The following MROH9 variants were observed in gnomAD, a reference collection of about 807,000 sequenced individuals.
The protein encoded by MROH9 is maestro heat-like repeat-containing protein family member 9.
A neutral mutation model predicts 98.2 loss-of-function variants in MROH9; 92 were observed. That is an observed-to-expected ratio of 0.94 (90% CI 0.79 to 1.11). The LOEUF (loss-of-function observed/expected upper bound fraction) is 1.11. Among genes scored for constraint, MROH9 ranks in the 50% most tolerant of loss-of-function variants. MROH9 has a pLI of 0.00. For missense variants in MROH9, 1,057 were observed against 1,014.8 expected (o/e 1.04, Z -0.57); for synonymous variants, 397 against 368.9 (o/e 1.08, Z -0.87).
chr1:171,063,503 C>T (rs1362632222), intron 21 of MROH9, among the ~76,000 whole-genome samples: 3 of 152,160 alleles, frequency 2.0e-5, no homozygotes, highest in South Asian at 2.1e-4. Context: ...CCACCTGCCT[C>T]GGTCTCCCGA....
At chr1:170,962,810 C>A (rs555301483) in intron 6 of MROH9, among the ~76,000 whole-genome samples, 1 of 151,892 alleles carries the variant, frequency 6.6e-6, no homozygotes, top group East Asian at 1.9e-4. Context: ...TTCCTTACAC[C>A]ATATACAAAA....
chr1:171,032,808 G>C (rs1652968334), intron 20 of MROH9, among the ~76,000 whole-genome samples: 1 of 152,182 alleles, frequency 6.6e-6, no homozygotes, highest in African/African-American at 2.4e-5. Context: ...TTCGCAGAGG[G>C]GGTGTGCCAC....
intron 8 of MROH9, among the ~76,000 whole-genome samples, chr1:170,972,811 C>CA (rs141109310): frequency 5.3e-5 from 6 of 112,940 alleles, no homozygotes; most frequent in African/African-American, 2.1e-4. Flanking sequence ...GACTCCGCCT[C>CA]AAAAAAAAAA....
intron 15 of MROH9, among the ~76,000 whole-genome samples, chr1:171,006,471 T>G (rs1224307406): frequency 6.6e-6 from 1 of 152,060 alleles, no homozygotes; most frequent in Non-Finnish European, 1.5e-5. Context: ...TTCTCTCTGC[T>G]CCTTCCTCCC....
At chr1:170,967,212 T>A (rs1204384954) in intron 7 of MROH9, among the ~76,000 whole-genome samples, 1 of 152,154 alleles carries the variant, frequency 6.6e-6, no homozygotes, top group Non-Finnish European at 1.5e-5. Context: ...CGGAATAACC[T>A]ATTACTCGGT....
In MROH9 at chr1:171,016,347, C is replaced by T; in HGVS notation, c.1908+11C>T. On this transcript the variant is annotated intron_variant, in intron 17 of 21. Coordinates refer to ENST00000367759, the MANE Select transcript of MROH9 (RefSeq NM_001163629.2). ...ACTCTGATGGATCATGTGAGTTACA[C>T]AGTTAGATATGTGAGATCATTAGGT... 3.4e-6 allele frequency: 5 copies of T among 1,466,066 alleles called. No individual in the cohort carries two copies. The highest frequency in any genetic ancestry group is 4.5e-6 in the Non-Finnish European group (5 of 1,105,900). 90.8% of individuals were successfully genotyped at this position (1,466,066 alleles called of 1,614,324 possible). A position where few individuals can be genotyped will look rare whatever the true frequency, so the allele number is the denominator to read the frequency against.
chr1:171,029,835 C>G (rs1221106207), intron 20 of MROH9, among the ~76,000 whole-genome samples: 1 of 152,120 alleles, frequency 6.6e-6, no homozygotes, highest in African/African-American at 2.4e-5. Flanking sequence ...GGAGTCCCTC[C>G]TTTTCAATTG....
intron 7 of MROH9, among the ~76,000 whole-genome samples, chr1:170,968,936 A>C (rs1160371706): frequency 6.6e-6 from 1 of 152,198 alleles, no homozygotes; most frequent in Admixed American, 6.5e-5. Flanking sequence ...ATTAATCTAT[A>C]AACCCAGCAC....
intron 20 of MROH9, among the ~76,000 whole-genome samples, chr1:171,030,142 T>A (rs907506714): frequency 1.3e-5 from 2 of 152,206 alleles, no homozygotes; most frequent in Non-Finnish European, 2.9e-5. Context: ...AGCAGTGATA[T>A]TTCCTTATCA....
intron 7 of MROH9, among the ~76,000 whole-genome samples, chr1:170,968,930 A>G (rs1002422293): frequency 2.6e-5 from 4 of 152,170 alleles, no homozygotes; most frequent in Non-Finnish European, 4.4e-5. Context: ...TTTAGAATTA[A>G]TCTATAAACC....
chr1:171,051,212 G>A (rs997650506), intron 20 of MROH9, among the ~76,000 whole-genome samples: 11 of 152,028 alleles, frequency 7.2e-5, no homozygotes, highest in Admixed American at 3.3e-4. Flanking sequence ...CAGAAATACC[G>A]TTTGACCCAA....
In MROH9 at chr1:170,965,230, T is replaced by G. The variant is rs776824183; in HGVS notation, c.455T>G (p.Phe152Cys). The change falls in exon 7 of 22, where the codon TTT (phenylalanine) becomes TGT (cysteine). Residue 152 changes from phenylalanine (F) to cysteine (C), a missense_variant. Physicochemically the swap from Phe to Cys is radical, Grantham distance 205. Coordinates refer to ENST00000367759, the MANE Select transcript of MROH9 (RefSeq NM_001163629.2). ...GTGATCATCAACAAGGTGTTAAGAT[T>G]TACAGTCACAAAAGTCAGAAAATAC... is the stretch of plus-strand genomic sequence containing the variant. ...IMVIINKVLR[F>C]TVTKVRKYIS... 3 of 1,611,058 alleles carry G rather than the reference T, an allele frequency of 1.9e-6. No individual in the cohort carries two copies. The highest frequency in any genetic ancestry group is 1.7e-6 in the Non-Finnish European group (2 of 1,177,688).
chr1:170,960,171 C>T (rs192238364), intron 5 of MROH9, among the ~76,000 whole-genome samples: 4 of 152,324 alleles, frequency 2.6e-5, no homozygotes, highest in Admixed American at 2.6e-4. Context: ...GCAATTGATG[C>T]AAGGTGACTT....
chr1:170,997,962 T>C (rs1017858950), intron 14 of MROH9, among the ~76,000 whole-genome samples, 192 bp from the exon 15 acceptor site: 1 of 152,182 alleles, frequency 6.6e-6, no homozygotes, highest in African/African-American at 2.4e-5. Flanking sequence ...GAAAGAGATG[T>C]TGACAGGGAT....
At chr1:171,017,537 G>A (rs1210242439) in intron 17 of MROH9, among the ~76,000 whole-genome samples, 1 of 152,212 alleles carries the variant, frequency 6.6e-6, no homozygotes, top group Non-Finnish European at 1.5e-5. Flanking sequence ...GAACTCCTGG[G>A]GGAGGGGTGA....
chr1:171,013,375 T>C (rs1378650652), intron 15 of MROH9, among the ~76,000 whole-genome samples: 1 of 152,088 alleles, frequency 6.6e-6, no homozygotes, highest in Non-Finnish European at 1.5e-5. Flanking sequence ...ACAAACCTTA[T>C]TGTGAACTGT....
intron 7 of MROH9, among the ~76,000 whole-genome samples, chr1:170,965,863 GCTT>G (rs542097383): frequency 6.6e-6 from 1 of 152,028 alleles, no homozygotes; most frequent in African/African-American, 2.4e-5. Context: ...TCTACAATTT[GCTT>G]TTTTTCACTG....
chr1:171,030,621 T>C (rs1414246009), intron 20 of MROH9, among the ~76,000 whole-genome samples: 1 of 152,222 alleles, frequency 6.6e-6, no homozygotes, highest in Non-Finnish European at 1.5e-5. Flanking sequence ...AATCCTGAGT[T>C]CTAATTTGAT....
Position 171,064,649 on chromosome 1 carries a change from T to C in MROH9, c.*309T>C, listed in dbSNP as rs1372347580. 1 of 237,520 alleles carries C rather than the reference T, an allele frequency of 4.2e-6. No homozygotes were observed. Among genetic ancestry groups the C allele is most frequent in the African/African-American group, 2.3e-5 (1 of 43,210 alleles). The allele number at this position is 237,520 out of a possible 1,614,324, so 14.7% of individuals were successfully genotyped here. On this transcript the variant is annotated 3_prime_UTR_variant, in exon 22 of 22. Coordinates refer to ENST00000367759, the MANE Select transcript of MROH9 (RefSeq NM_001163629.2). Reference sequence around the variant, plus strand: ...TGATGAGAAGCTCTGGGAACTTGATTCAGTCCGGAAGCTCTACTGAGCACC... The same window carrying C: ...TGATGAGAAGCTCTGGGAACTTGATCCAGTCCGGAAGCTCTACTGAGCACC...
Sources: gnomAD v4.1 joint callset for allele counts (sites outside exome capture counted in the v4.1 genomes callset) on GRCh38, gnomAD v4.1.1 for gene constraint, MANE v1.5 for transcripts, NCBI Gene and HGNC (gene_info 2026-07-23, HGNC 2026-07-21) for gene names.